CD96: variants seen among roughly 807,000 people sequenced by gnomAD.
CD96 encodes the protein CD96 molecule.
In CD96, 70 loss-of-function variants were observed where a neutral mutation model predicts 71.3. The ratio of observed to expected loss-of-function variants is 0.98; its 90% confidence interval spans 0.81 to 1.20. CD96 has a LOEUF of 1.20. Ranked by LOEUF, CD96 falls within the 50% of genes most tolerant of loss-of-function variation. The pLI, the probability that CD96 is intolerant of heterozygous loss-of-function variation, is 0.00. For missense variants in CD96, 742 were observed against 677.5 expected (o/e 1.10, Z -1.06); for synonymous variants, 248 against 233.0 (o/e 1.06, Z -0.59).
chr3:111,655,839 C>A (rs770995838), downstream of CD96, among the ~76,000 whole-genome samples: 2 of 151,484 alleles, frequency 1.3e-5, no homozygotes, highest in Non-Finnish European at 2.9e-5. Context: ...CTATCTACAG[C>A]TGTATTTGTA....
At chr3:111,616,761 T>C (rs1938259163) in intron 8 of CD96, among the ~76,000 whole-genome samples, 1 of 152,082 alleles carries the variant, frequency 6.6e-6, no homozygotes, top group African/African-American at 2.4e-5. Flanking sequence ...GAGGCCTGGC[T>C]GGGACTGTTG....
At chr3:111,645,160 A>G (rs374451167) in intron 12 of CD96, among the ~76,000 whole-genome samples, 1 of 152,166 alleles carries the variant, frequency 6.6e-6, no homozygotes, top group Non-Finnish European at 1.5e-5. Context: ...GTGTATATAT[A>G]TATATATGCA....
At chr3:111,560,092 C>T (rs1294068483) in intron 2 of CD96, among the ~76,000 whole-genome samples, 3 of 148,160 alleles carry the variant, frequency 2.0e-5, no homozygotes, top group Non-Finnish European at 3.0e-5. Flanking sequence ...TATTTTGAGC[C>T]TATATGTGTC....
In CD96 at chr3:111,617,711, G is replaced by A. The variant is rs577110774; in HGVS notation, c.1181-6043G>A. The stretch of plus-strand genomic sequence containing the variant: ...CACCTTGCTCACCCTCCAGTTGTCA[G>A]CATACCTCGTTCTTCTTGGGGGCGA... On this transcript the variant is annotated intron_variant, in intron 8 of 13. Coordinates refer to ENST00000352690, the MANE Select transcript of CD96 (RefSeq NM_005816.5). Among the ~76,000 whole-genome samples, 7 of 152,294 alleles carry A rather than the reference G, an allele frequency of 4.6e-5. No homozygotes were observed. In the South Asian group the frequency reaches 6.2e-4, roughly 14 times the overall value.
chr3:111,635,627 AAAACT>A (rs1422552931), intron 10 of CD96, among the ~76,000 whole-genome samples: 2 of 152,246 alleles, frequency 1.3e-5, no homozygotes, highest in African/African-American at 4.8e-5. Flanking sequence ...ATACTTGCTG[AAAACT>A]ATTAGTGTCC....
Position 111,651,538 on chromosome 3 carries a change from GA to G in CD96, c.*1736del. On this transcript the variant is annotated 3_prime_UTR_variant, in exon 14 of 14. Coordinates refer to ENST00000352690, the MANE Select transcript of CD96 (RefSeq NM_005816.5). ...CTCTCTTTGACCATACTGACACTGG[GA>G]AAAGCCCATTCCCATGCCATGAAGA... 6.6e-6 allele frequency: 1 copy of G among 152,360 alleles called. No homozygotes were observed. The highest frequency in any genetic ancestry group is 1.5e-5 in the Non-Finnish European group (1 of 68,126). The allele number at this position is 152,360 out of a possible 1,614,324, so 9.4% of individuals were successfully genotyped here.
intron 4 of CD96, among the ~76,000 whole-genome samples, chr3:111,583,749 G>A (rs1205434636): frequency 6.6e-6 from 1 of 152,212 alleles, no homozygotes; most frequent in African/African-American, 2.4e-5. Context: ...GAATGGCTGG[G>A]ACACAGGGCA....
intron 10 of CD96, among the ~76,000 whole-genome samples, chr3:111,626,926 A>G (rs1405169398): frequency 6.6e-6 from 1 of 152,254 alleles, no homozygotes; most frequent in African/African-American, 2.4e-5. Context: ...TTTAAGCTTT[A>G]TAAGTGAATA....
At chr3:111,656,756 C>T (rs908566850), downstream of CD96, among the ~76,000 whole-genome samples, 1 of 151,610 alleles carries the variant, frequency 6.6e-6, no homozygotes, top group Admixed American at 6.6e-5. Flanking sequence ...AGGTGAAGTA[C>T]AAAGAGCATG....
At chr3:111,656,643 T>G (rs1025325801), downstream of CD96, among the ~76,000 whole-genome samples, 1 of 152,006 alleles carries the variant, frequency 6.6e-6, no homozygotes, top group Non-Finnish European at 1.5e-5. Flanking sequence ...TAAAATGTAG[T>G]AAATACACAA....
chr3:111,615,797 G>A (rs1046975164), intron 8 of CD96, among the ~76,000 whole-genome samples: 4 of 152,144 alleles, frequency 2.6e-5, no homozygotes, highest in Non-Finnish European at 5.9e-5. Context: ...AGCATGAAAA[G>A]CCACATTATA....
At chr3:111,549,128 C>T (rs1321802972) in intron 2 of CD96, among the ~76,000 whole-genome samples, 1 of 152,094 alleles carries the variant, frequency 6.6e-6, no homozygotes, top group Non-Finnish European at 1.5e-5. Context: ...TCCCTTCCCC[C>T]TTATTTTCAT....
intron 8 of CD96, chr3:111,612,981 A>G (rs1314926350): frequency 1.7e-5 from 3 of 173,862 alleles, no homozygotes; most frequent in African/African-American, 7.2e-5. Context: ...TACAGAATCC[A>G]TACAAAACTC....
At chr3:111,595,913 G>A (rs1937234329) in intron 5 of CD96, among the ~76,000 whole-genome samples, 1 of 152,184 alleles carries the variant, frequency 6.6e-6, no homozygotes, top group Non-Finnish European at 1.5e-5. Context: ...TGTAGTCCCA[G>A]CACTTTGGGA....
chr3:111,549,556 C>A (rs945226350), intron 2 of CD96, among the ~76,000 whole-genome samples: 2 of 152,064 alleles, frequency 1.3e-5, no homozygotes, highest in African/African-American at 4.8e-5. Flanking sequence ...AGTTAGAAGA[C>A]AACAGCAGAA....
intron 5 of CD96, among the ~76,000 whole-genome samples, chr3:111,590,493 C>A (rs1331492851): frequency 2.6e-5 from 4 of 152,214 alleles, no homozygotes; most frequent in Admixed American, 1.3e-4. Flanking sequence ...GTTAAACTTA[C>A]AAAGTTTATG....
chr3:111,572,833 A>T (rs370084461), intron 3 of CD96, among the ~76,000 whole-genome samples: 1 of 152,232 alleles, frequency 6.6e-6, no homozygotes, highest in Non-Finnish European at 1.5e-5. Flanking sequence ...TGTCTCATAA[A>T]ATAAACTCTT....
Position 111,647,551 on chromosome 3 carries a change from G to A in CD96, c.1486G>A (p.Val496Ile). 1 of 1,612,422 alleles carries A rather than the reference G, an allele frequency of 6.2e-7. No individual in the cohort carries two copies. Among genetic ancestry groups the A allele is most frequent in the South Asian group, 1.1e-5 (1 of 91,060 alleles). The change falls in exon 13 of 14, where the codon GTC becomes ATC. Residue 496 changes from valine to isoleucine, a missense_variant. Physicochemically the swap from Val to Ile is conservative, Grantham distance 29. Coordinates refer to ENST00000352690, the MANE Select transcript of CD96 (RefSeq NM_005816.5). Reference protein sequence around the residue: ...TNHVHITGIVVNKPKDGMSWP... With the variant: ...TNHVHITGIVINKPKDGMSWP... ...CTTTATGCCCTTTTCAGGTATTGTG[G>A]TCAATAAGCCCAAAGATGGAATGTC...
intron 8 of CD96, among the ~76,000 whole-genome samples, chr3:111,622,367 T>A (rs954410993): frequency 1.3e-5 from 2 of 152,220 alleles, no homozygotes; most frequent in Admixed American, 6.5e-5. Flanking sequence ...TAAGACATAC[T>A]TTTTAGCATT....
Sources: allele counts gnomAD v4.1 joint callset (sites outside exome capture counted in the v4.1 genomes callset), GRCh38; gene constraint gnomAD v4.1.1; transcripts MANE v1.5; gene names NCBI Gene and HGNC (gene_info 2026-07-23, HGNC 2026-07-21).